Variants in RMDN1 observed in about 807,000 individuals in gnomAD.
RMDN1 encodes regulator of microtubule dynamics protein 1.
A neutral mutation model predicts 48.9 loss-of-function variants in RMDN1; 48 were observed. That is an observed-to-expected ratio of 0.98 (90% CI 0.78 to 1.25). The LOEUF (loss-of-function observed/expected upper bound fraction) is 1.25. Among genes scored for constraint, RMDN1 ranks in the 50% most tolerant of loss-of-function variants. RMDN1 has a pLI of 0.00. For missense variants in RMDN1, 418 were observed against 373.4 expected (o/e 1.12, Z -0.98); for synonymous variants, 148 against 132.6 (o/e 1.12, Z -0.80).
chr8:86,484,727 A>G, intron 5 of RMDN1, 145 bp downstream of exon 5: 2 of 473,614 alleles, frequency 4.2e-6, no homozygotes, highest in Non-Finnish European at 7.4e-6. Flanking sequence ...TCAAAAAAAA[A>G]AAAAAAAAGA....
In RMDN1 at chr8:86,472,466, C is replaced by G; in HGVS notation, c.*1842G>C. On this transcript the variant is annotated 3_prime_UTR_variant, in exon 10 of 10. Coordinates refer to ENST00000406452, the MANE Select transcript of RMDN1 (RefSeq NM_016033.3). ...CCACTTCCTGGCCCTTCAGCTGCTT[C>G]TGTTTCTCTTCACCTACAAAAATAA... 1 of 702,534 alleles carries G rather than the reference C, an allele frequency of 1.4e-6. No individual in the cohort carries two copies. Among genetic ancestry groups the G allele is most frequent in the Non-Finnish European group, 2.6e-6 (1 of 384,988 alleles). 43.5% of individuals were successfully genotyped at this position (702,534 alleles called of 1,614,324 possible).
chr8:86,473,444 T>G lies in RMDN1; in HGVS notation c.*864A>C, dbSNP rs1161061219. ...ATAGAACTTTGCATCTGATGACAAA[T>G]TCAGTTTACCATGAGACTACACCAC... On this transcript the variant is annotated 3_prime_UTR_variant, in exon 10 of 10. Coordinates refer to ENST00000406452, the MANE Select transcript of RMDN1 (RefSeq NM_016033.3). 8.1e-5 allele frequency: 80 copies of G among 985,264 alleles called. No homozygotes were observed. The highest frequency in any genetic ancestry group is 9.4e-5 in the Non-Finnish European group (78 of 829,934). 61.0% of individuals were successfully genotyped at this position (985,264 alleles called of 1,614,324 possible).
chr8:86,470,363 T>C (rs753024258), downstream of RMDN1: 380 of 1,288,932 alleles, frequency 2.9e-4, no homozygotes, highest in Non-Finnish European at 3.7e-4. Context: ...GTCTCACCCT[T>C]AGTGGGGAAA....
At chr8:86,508,201 AG>A (rs1251571623) in intron 1 of RMDN1, 4 of 370,358 alleles carry the variant, frequency 1.1e-5, no homozygotes, top group Non-Finnish European at 1.9e-5. Flanking sequence ...ACAGCGGTCA[AG>A]GTTCTTTCCC....
chr8:86,471,635 G>C, downstream of RMDN1, among the ~76,000 whole-genome samples: 1 of 151,962 alleles, frequency 6.6e-6, no homozygotes. Flanking sequence ...AGGAAGAAGA[G>C]ATACAACCAA....
intron 1 of RMDN1, chr8:86,508,118 C>T (rs1204001181): frequency 5.0e-6 from 1 of 199,348 alleles, no homozygotes; most frequent in African/African-American, 2.3e-5. Context: ...TCACACACCA[C>T]ACTTTTCAAA....
chr8:86,506,959 A>C, intron 2 of RMDN1, 36 bp downstream of exon 2: 1 of 1,131,968 alleles, frequency 8.8e-7, no homozygotes, highest in Non-Finnish European at 1.3e-6. Context: ...CACACAAAAA[A>C]ACTCTAAATG....
intron 2 of RMDN1, chr8:86,504,687 A>T: frequency 1.1e-6 from 1 of 880,610 alleles, no homozygotes; most frequent in Non-Finnish European, 2.0e-6. Context: ...TATCGGGGCT[A>T]TCTTGGTCTT....
chr8:86,482,652 TTG>T (rs1814724488), intron 5 of RMDN1: 4 of 799,792 alleles, frequency 5.0e-6, no homozygotes, highest in Non-Finnish European at 6.8e-6. Flanking sequence ...GGCTTCCACA[TTG>T]AGCGCAGTCG....
chr8:86,484,278 G>A (rs1301121307), intron 5 of RMDN1, among the ~76,000 whole-genome samples: 2 of 151,980 alleles, frequency 1.3e-5, no homozygotes, highest in Non-Finnish European at 2.9e-5. Flanking sequence ...AACAAGTGAG[G>A]AGAAACTCTC....
At chr8:86,480,836 T>G (rs904376733) in intron 5 of RMDN1, among the ~76,000 whole-genome samples, 2 of 110,492 alleles carry the variant, frequency 1.8e-5, no homozygotes, top group African/African-American at 5.9e-5. Flanking sequence ...TTAGAAAGTC[T>G]TCTTGTATGC....
At position 86,496,877 on chromosome 8, in the gene RMDN1, C is replaced by T. The variant is rs547173090; in HGVS notation, c.248-8238G>A. Among the ~76,000 whole-genome samples, 12 of 152,054 alleles carry T rather than the reference C, an allele frequency of 7.9e-5. No individual in the cohort carries two copies. In the South Asian group the frequency reaches 2.1e-3, roughly 26 times the overall value. The stretch of plus-strand genomic sequence containing the variant: ...GCACGGCACACACTCTAAGATAGGC[C>T]ACATGCTTGGCCATAAAGCAATTCT... On this transcript the variant is annotated intron_variant, in intron 2 of 9. Coordinates refer to ENST00000406452, the MANE Select transcript of RMDN1 (RefSeq NM_016033.3).
At position 86,472,837 on chromosome 8, in the gene RMDN1, C is replaced by T. The variant is rs545519816; in HGVS notation, c.*1471G>A. ...CACATGAGTGGCTGAGATAATGACACCTTTGCTTTCTGATGGTTCAAGGTA... is the reference window on the plus strand; with the variant it reads ...CACATGAGTGGCTGAGATAATGACATCTTTGCTTTCTGATGGTTCAAGGTA... On this transcript the variant is annotated 3_prime_UTR_variant, in exon 10 of 10. Transcript: ENST00000406452. 2.7e-4 allele frequency: 56 copies of T among 205,836 alleles called. No individual in the cohort carries two copies. Among genetic ancestry groups the T allele is most frequent in the African/African-American group, 1.2e-3 (52 of 43,536 alleles). 12.8% of individuals were successfully genotyped at this position (205,836 alleles called of 1,614,324 possible). A position where few individuals can be genotyped will look rare whatever the true frequency, so the allele number is the denominator to read the frequency against.
chr8:86,500,592 G>T (rs931340179), intron 2 of RMDN1, among the ~76,000 whole-genome samples: 5 of 151,742 alleles, frequency 3.3e-5, no homozygotes, highest in Non-Finnish European at 7.4e-5. Context: ...ACTGCTGGTG[G>T]GAATATAAAT....
intron 7 of RMDN1, chr8:86,478,612 G>T (rs963884142): frequency 6.7e-6 from 2 of 299,020 alleles, no homozygotes; most frequent in Admixed American, 5.1e-5. Flanking sequence ...AACAGATGCT[G>T]TATTTCTTGT....
chr8:86,504,405 T>C (rs1818925536), intron 2 of RMDN1: 3 of 1,561,198 alleles, frequency 1.9e-6, no homozygotes, highest in South Asian at 2.2e-5. Context: ...TCATTTCCAT[T>C]GTGCTCCAGC....
chr8:86,486,005 G>A (rs908539953), intron 4 of RMDN1, among the ~76,000 whole-genome samples: 17 of 152,176 alleles, frequency 1.1e-4, no homozygotes, highest in Admixed American at 8.5e-4. Context: ...ACTGAAAAAC[G>A]TTGTTGTGAA....
intron 7 of RMDN1, 39 bp from the exon 8 acceptor site, chr8:86,477,363 A>G (rs1415158736): frequency 2.0e-6 from 3 of 1,516,050 alleles, no homozygotes; most frequent in Non-Finnish European, 2.7e-6. Context: ...AATAAAAAAG[A>G]TTAAAGAAGA....
upstream of RMDN1, chr8:86,508,881 T>TGG: frequency 3.0e-6 from 3 of 999,194 alleles, no homozygotes; most frequent in Non-Finnish European, 3.8e-6. Context: ...AGCGCTCTCT[T>TGG]CAGGCGCTCT....
Sources: allele counts gnomAD v4.1 joint callset (sites outside exome capture counted in the v4.1 genomes callset), GRCh38; gene constraint gnomAD v4.1.1; transcripts MANE v1.5; gene names NCBI Gene and HGNC (gene_info 2026-07-23, HGNC 2026-07-21).